The following PTPRM variants were observed in gnomAD, a reference collection of about 807,000 sequenced individuals.
PTPRM encodes protein tyrosine phosphatase receptor type M.
In PTPRM, 47 loss-of-function variants were observed where a neutral mutation model predicts 186.7. The ratio of observed to expected loss-of-function variants is 0.25; its 90% CI spans 0.20 to 0.32. The LOEUF (loss-of-function observed/expected upper bound fraction) is 0.32. PTPRM is among the 10% of genes least tolerant of loss of function. The pLI is 1.00. For missense variants in PTPRM, 1,494 were observed against 1,865.0 expected (o/e 0.80, Z 3.66); for synonymous variants, 668 against 674.9 (o/e 0.99, Z 0.16).
intron 1 of PTPRM, among the ~76,000 whole-genome samples, chr18:7,622,305 C>T (rs2037959210): frequency 6.6e-6 from 1 of 151,782 alleles, no homozygotes; most frequent in Non-Finnish European, 1.5e-5. Context: ...ATTCCTTTAT[C>T]GATCAAGCTT....
chr18:7,675,819 C>CT (rs1045716348), intron 1 of PTPRM, among the ~76,000 whole-genome samples: 1 of 151,712 alleles, frequency 6.6e-6, no homozygotes, highest in African/African-American at 2.4e-5. Context: ...ACTGCAACCT[C>CT]TGCCTCCCGG....
intron 1 of PTPRM, among the ~76,000 whole-genome samples, chr18:7,631,993 C>A (rs946025630): frequency 9.2e-5 from 14 of 152,208 alleles, no homozygotes; most frequent in African/African-American, 3.1e-4. Flanking sequence ...ATAAAAATCT[C>A]AAATGCTAGT....
At chr18:8,134,867 A>G (rs955476280) in intron 13 of PTPRM, among the ~76,000 whole-genome samples, 3 of 152,136 alleles carry the variant, frequency 2.0e-5, no homozygotes, top group African/African-American at 7.2e-5. Flanking sequence ...CTGTAGTGCA[A>G]TGAAATAGGA....
At chr18:8,303,003 GATTATA>G (rs2095176861) in intron 20 of PTPRM, among the ~76,000 whole-genome samples, 1 of 152,116 alleles carries the variant, frequency 6.6e-6, no homozygotes, top group Non-Finnish European at 1.5e-5. Flanking sequence ...ATCTGGGCTG[GATTATA>G]AATCAGTGAC....
At chr18:8,005,004 T>C (rs2084093411) in intron 7 of PTPRM, among the ~76,000 whole-genome samples, 1 of 152,234 alleles carries the variant, frequency 6.6e-6, no homozygotes, top group Admixed American at 6.5e-5. Context: ...AGACTCCAGC[T>C]GTCTGGTTAT....
intron 32 of PTPRM, chr18:8,403,291 G>T (rs609039): frequency 0.77 from 116,693 of 152,144 alleles, 44,870 homozygotes; most frequent in East Asian, 0.85. Context: ...CTAGCGATTT[G>T]TTTAATAAAG....
At chr18:7,840,380 G>A (rs2046264987) in intron 2 of PTPRM, among the ~76,000 whole-genome samples, 1 of 152,122 alleles carries the variant, frequency 6.6e-6, no homozygotes, top group African/African-American at 2.4e-5. Context: ...ATTACTTATT[G>A]GAGGACACAT....
intron 1 of PTPRM, chr18:7,741,608 G>A (rs1447597363): frequency 1.3e-5 from 2 of 152,192 alleles, no homozygotes; most frequent in Non-Finnish European, 2.9e-5. Context: ...AAGCACTGAA[G>A]GCTGTCATTT....
intron 1 of PTPRM, among the ~76,000 whole-genome samples, chr18:7,760,855 A>AT (rs201081283): frequency 0.012 from 1,765 of 152,294 alleles, 34 homozygotes; most frequent in African/African-American, 0.04. Flanking sequence ...GCAAATCTAC[A>AT]TTCTTTCCAC....
At chr18:7,786,677 A>G (rs779714476) in intron 2 of PTPRM, among the ~76,000 whole-genome samples, 2 of 152,182 alleles carry the variant, frequency 1.3e-5, no homozygotes, top group Admixed American at 1.3e-4. Context: ...GACGCATCCT[A>G]TTACACACCT....
At chr18:8,305,239 T>G (rs1018174629) in intron 20 of PTPRM, among the ~76,000 whole-genome samples, 1 of 152,082 alleles carries the variant, frequency 6.6e-6, no homozygotes, top group Non-Finnish European at 1.5e-5. Flanking sequence ...CAAGGTGGTG[T>G]TAGGAAAAAA....
intron 3 of PTPRM, 42 bp downstream of exon 3, chr18:7,888,419 A>T: frequency 6.6e-7 from 1 of 1,510,484 alleles, no homozygotes; most frequent in African/African-American, 1.4e-5. Flanking sequence ...AGCATCCTCT[A>T]ATTTCTAAAA....
At chr18:7,692,405 C>T (rs2039752299) in intron 1 of PTPRM, among the ~76,000 whole-genome samples, 2 of 151,838 alleles carry the variant, frequency 1.3e-5, no homozygotes, top group Admixed American at 1.3e-4. Flanking sequence ...TGGCTAGATC[C>T]CAGGAGGTTA....
intron 17 of PTPRM, 79 bp downstream of exon 17, chr18:8,248,255 T>C: frequency 7.6e-7 from 1 of 1,314,090 alleles, no homozygotes; most frequent in Non-Finnish European, 1.1e-6. Context: ...GAGATTGGAG[T>C]TTTAATTCTG....
chr18:8,145,132 A>G (rs531382413), intron 14 of PTPRM, among the ~76,000 whole-genome samples: 1 of 152,288 alleles, frequency 6.6e-6, no homozygotes, highest in Admixed American at 6.5e-5. Flanking sequence ...AGAAAGAGCA[A>G]CTTTAGAAAC....
chr18:7,584,988 A>T (rs2036940311), intron 1 of PTPRM, among the ~76,000 whole-genome samples: 1 of 152,206 alleles, frequency 6.6e-6, no homozygotes, highest in African/African-American at 2.4e-5. Flanking sequence ...TCTATTTCTC[A>T]ACTGACATAG....
intron 1 of PTPRM, among the ~76,000 whole-genome samples, chr18:7,710,137 A>G (rs2040181230): frequency 6.6e-6 from 1 of 152,240 alleles, no homozygotes. Context: ...CACAGATGCA[A>G]AAATTCTCAA....
intron 23 of PTPRM, among the ~76,000 whole-genome samples, chr18:8,357,595 TATGC>T (rs766324127): frequency 2.7e-4 from 41 of 152,300 alleles, no homozygotes; most frequent in South Asian, 2.1e-4. Context: ...TGAAGATATC[TATGC>T]ATGCCCCGTT....
At chr18:7,610,977 G>A (rs1017133632) in intron 1 of PTPRM, among the ~76,000 whole-genome samples, 3 of 152,142 alleles carry the variant, frequency 2.0e-5, no homozygotes, top group African/African-American at 7.2e-5. Context: ...CAGTGGGACA[G>A]GATGTAGATG....
Sources: gnomAD v4.1 joint callset for allele counts (sites outside exome capture counted in the v4.1 genomes callset) on GRCh38, gnomAD v4.1.1 for gene constraint, MANE v1.5 for transcripts, NCBI Gene and HGNC (gene_info 2026-07-23, HGNC 2026-07-21) for gene names.